LRP5: variants seen among roughly 807,000 people sequenced by gnomAD.
The protein encoded by LRP5 is LDL receptor related protein 5.
LRP5 carries 62 observed loss-of-function variants against 154.1 expected under a neutral mutation model. That is an observed-to-expected ratio of 0.40 (90% CI 0.33 to 0.50). The LOEUF (loss-of-function observed/expected upper bound fraction) is 0.50. LRP5 is among the 20% of genes least tolerant of loss of function. The pLI, the probability that LRP5 is intolerant of heterozygous loss-of-function variation, is 0.55. For synonymous variants in LRP5, 966 were observed against 1,011.5 expected, an observed-to-expected ratio of 0.96 and a Z score of 0.85; for missense variants, 1,915 against 2,336.7, an observed-to-expected ratio of 0.82 and a Z score of 3.72.
chr11:68,381,300 G>C (rs2098640123), intron 5 of LRP5, among the ~76,000 whole-genome samples: 1 of 152,184 alleles, frequency 6.6e-6, no homozygotes, highest in African/African-American at 2.4e-5. Flanking sequence ...TCTGATGTTA[G>C]AAGCCACCTG....
chr11:68,308,291 G>A (rs113772869), upstream of LRP5, among the ~76,000 whole-genome samples: 3 of 152,160 alleles, frequency 2.0e-5, no homozygotes, highest in African/African-American at 7.2e-5. Flanking sequence ...ACTTCACAGA[G>A]CCAGCACGTT....
chr11:68,421,328 G>T (rs1309071142), intron 13 of LRP5, among the ~76,000 whole-genome samples: 4 of 152,096 alleles, frequency 2.6e-5, no homozygotes, highest in Non-Finnish European at 5.9e-5. Context: ...TTGTTTTTGT[G>T]CCCGGGAGGA....
chr11:68,448,856 C>T lies in LRP5; in HGVS notation c.4634C>T (p.Thr1545Ile). ...GCGCCCCCGACGACGCCCTGCAGCA[C>T]CGACGTGTGTGACAGCGACTACAGC... Reference protein sequence around the residue: ...GMAPPTTPCSTDVCDSDYSAS... With the variant: ...GMAPPTTPCSIDVCDSDYSAS... Residue 1545 changes from threonine (T) to isoleucine (I), a missense_variant, in exon 23 of 23, where the codon ACC (threonine) becomes ATC (isoleucine). Physicochemically the swap from Thr to Ile is moderately conservative, Grantham distance 89. This residue lies in a region of LRP5 where 1,094 missense variants were observed against 1,210.1 expected (regional missense o/e 0.90). Transcript: ENST00000294304. 1 of 1,612,044 alleles carries T rather than the reference C, an allele frequency of 6.2e-7. No individual in the cohort carries two copies. Among genetic ancestry groups the T allele is most frequent in the Non-Finnish European group, 8.5e-7 (1 of 1,180,020 alleles).
chr11:68,425,172 C>G lies in LRP5; in HGVS notation c.3307C>G (p.Arg1103Gly). The change falls in exon 15 of 23, where the codon CGC (arginine) becomes GGC (glycine). Residue 1103 changes from arginine to glycine, a missense_variant. By Grantham distance (125) the Arg-to-Gly change is moderately radical. This residue lies in a region of LRP5 where 1,094 missense variants were observed against 1,210.1 expected (regional missense o/e 0.90). Coordinates refer to ENST00000294304, the MANE Select transcript of LRP5 (RefSeq NM_002335.4). ...ACGCGCAGCCCTGGACGGCACCGAG[C>G]GCGAGGTCCTCTTCACCACCGGCCT... The part of the protein sequence containing the change: ...IERAALDGTE[R>G]EVLFTTGLIR... 1 of 1,613,710 alleles carries G rather than the reference C, an allele frequency of 6.2e-7. No individual in the cohort carries two copies. Among genetic ancestry groups the G allele is most frequent in the Non-Finnish European group, 8.5e-7 (1 of 1,179,988 alleles).
chr11:68,411,880 C>A (rs997414785), intron 11 of LRP5, among the ~76,000 whole-genome samples: 4 of 152,214 alleles, frequency 2.6e-5, no homozygotes, highest in Admixed American at 2.0e-4. Context: ...GCACTAGGTC[C>A]CAGCTAATCC....
At chr11:68,304,760 TTGAA>T in the LRP5 span, among the ~76,000 whole-genome samples, 1 of 152,258 alleles carries the variant, frequency 6.6e-6, no homozygotes, top group African/African-American at 2.4e-5. Context: ...AGCTTTAAGA[TTGAA>T]TGATTGCTCT....
At chr11:68,337,960 G>A (rs571395218) in intron 1 of LRP5, among the ~76,000 whole-genome samples, 5 of 152,278 alleles carry the variant, frequency 3.3e-5, no homozygotes, top group Admixed American at 6.5e-5. Flanking sequence ...CCATCCCCAG[G>A]CTCCAGGCAT....
chr11:68,431,161 C>T (rs1165652550), intron 17 of LRP5, among the ~76,000 whole-genome samples: 1 of 151,460 alleles, frequency 6.6e-6, no homozygotes, highest in Non-Finnish European at 1.5e-5. Context: ...GCTCAGCGAC[C>T]TTTCTCCCGT....
intron 9 of LRP5, 144 bp downstream of exon 9, chr11:68,406,957 C>T (rs1344581498): frequency 5.4e-6 from 4 of 738,312 alleles, no homozygotes; most frequent in African/African-American, 4.2e-5. Context: ...ATGAGCAAGC[C>T]TATTTAAAAA....
chr11:68,442,919 C>T (rs890082861), intron 21 of LRP5, among the ~76,000 whole-genome samples: 1 of 152,188 alleles, frequency 6.6e-6, no homozygotes, highest in Non-Finnish European at 1.5e-5. Flanking sequence ...ACAGCCGTCA[C>T]ATTCTTGGTG....
chr11:68,356,413 A>G (rs1460293314), intron 2 of LRP5, among the ~76,000 whole-genome samples: 2 of 152,186 alleles, frequency 1.3e-5, no homozygotes, highest in Non-Finnish European at 2.9e-5. Flanking sequence ...CTGGAATTAC[A>G]GGTGCAAGCC....
At chr11:68,301,965 G>A in the LRP5 span, among the ~76,000 whole-genome samples, 1 of 151,830 alleles carries the variant, frequency 6.6e-6, no homozygotes, top group East Asian at 1.9e-4. Context: ...TTTTAAGCAG[G>A]ACATGATCAA....
rs532638454 is a variant in LRP5, at chr11:68,413,609, T to A, written c.2504-80T>A. ...GTCGCTAGGCTGCAGGGTTGAACCC[T>A]GGCTCACCCCGCAGGGCGCCGTGTG... On this transcript the variant is annotated intron_variant, in intron 11 of 22. Coordinates refer to ENST00000294304, the MANE Select transcript of LRP5 (RefSeq NM_002335.4). This position sits in a 1 kb window ranked among gnomAD's most constrained non-coding sequence, Gnocchi z 5.1. 681 of 1,309,444 alleles carry A rather than the reference T, an allele frequency of 5.2e-4. 4 individuals are homozygous for A. In the African/African-American group the frequency reaches 8.8e-3, roughly 17 times the overall value. 81.1% of individuals were successfully genotyped at this position (1,309,444 alleles called of 1,614,324 possible). A position where few individuals can be genotyped will look rare whatever the true frequency, so the allele number is the denominator to read the frequency against.
chr11:68,378,479 C>T (rs1230037654), intron 5 of LRP5, among the ~76,000 whole-genome samples: 1 of 148,442 alleles, frequency 6.7e-6, no homozygotes, highest in Non-Finnish European at 1.5e-5. Context: ...CGTTCCCCCA[C>T]GTTGCCCCAG....
At chr11:68,340,011 C>T (rs749595573) in intron 1 of LRP5, among the ~76,000 whole-genome samples, 8 of 152,044 alleles carry the variant, frequency 5.3e-5, no homozygotes, top group Admixed American at 6.6e-5. Flanking sequence ...GATGCCAAGG[C>T]GGGCGGATCA....
intron 17 of LRP5, among the ~76,000 whole-genome samples, chr11:68,431,513 T>TACAGGCGTG (rs1180050052): frequency 1.3e-5 from 2 of 152,130 alleles, no homozygotes; most frequent in Non-Finnish European, 2.9e-5. Context: ...GTGCAGGGAT[T>TACAGGCGTG]ACAGGCGTGA....
At chr11:68,337,209 C>T (rs1223359880) in intron 1 of LRP5, among the ~76,000 whole-genome samples, 1 of 152,166 alleles carries the variant, frequency 6.6e-6, no homozygotes, top group East Asian at 1.9e-4. Context: ...TTTTGCACAT[C>T]ATGCCGATGC....
intron 16 of LRP5, among the ~76,000 whole-genome samples, chr11:68,429,358 G>A (rs1378293529): frequency 1.3e-5 from 2 of 152,176 alleles, no homozygotes; most frequent in African/African-American, 4.8e-5. Context: ...AGCAACTTCT[G>A]TAATTGTTTC....
At position 68,433,622 on chromosome 11, in the gene LRP5, G is replaced by C. The variant is rs2098673182; in HGVS notation, c.3784G>C (p.Asp1262His). 18 of 1,613,356 alleles carry C rather than the reference G, an allele frequency of 1.1e-5. No homozygotes were observed. Among genetic ancestry groups the C allele is most frequent in the Non-Finnish European group, 1.5e-5 (18 of 1,180,004 alleles). ...CCCAGAGCCGCCCACCTGCTCCCCG[G>C]ACCAGTTTGCATGTGCCACAGGGGA... ...TCGEPPTCSP[D>H]QFACATGEID... The change falls in exon 18 of 23, where the codon GAC (aspartate) becomes CAC (histidine). Residue 1262 changes from aspartate (D) to histidine (H), a missense_variant. By Grantham distance (81) the Asp-to-His change is moderately conservative (BLOSUM62 -1). This residue lies in a region of LRP5 where 1,094 missense variants were observed against 1,210.1 expected (regional missense o/e 0.90). Coordinates refer to ENST00000294304, the MANE Select transcript of LRP5 (RefSeq NM_002335.4).
Sources: allele counts gnomAD v4.1 joint callset (sites outside exome capture counted in the v4.1 genomes callset), GRCh38; gene constraint gnomAD v4.1.1; regional missense constraint gnomAD v4.1.1; non-coding constraint Gnocchi (gnomAD v3.1); transcripts MANE v1.5; gene names NCBI Gene and HGNC (gene_info 2026-07-23, HGNC 2026-07-21).